Variants in MYO7A observed in about 807,000 individuals in gnomAD.
MYO7A encodes the protein unconventional myosin-VIIa.
MYO7A carries 210 observed loss-of-function variants against 263.8 expected under a neutral mutation model. The observed-to-expected ratio is 0.80, with a 90% CI of 0.71 to 0.89. The LOEUF (loss-of-function observed/expected upper bound fraction) is 0.89. MYO7A is among the 40% of genes least tolerant of loss of function. MYO7A has a pLI of 0.00. For missense variants in MYO7A, 2,820 were observed against 2,968.3 expected (o/e 0.95, Z 1.16); for synonymous variants, 1,239 against 1,197.3 (o/e 1.03, Z -0.72).
intron 5 of MYO7A, among the ~76,000 whole-genome samples, chr11:77,156,418 C>T (rs1952461305): frequency 6.6e-6 from 1 of 152,222 alleles, no homozygotes; most frequent in Non-Finnish European, 1.5e-5. Context: ...ATTGACTGAG[C>T]ATCTAATATG....
intron 14 of MYO7A, among the ~76,000 whole-genome samples, chr11:77,164,146 C>T (rs535206081): frequency 3.9e-4 from 59 of 152,274 alleles, no homozygotes; most frequent in African/African-American, 1.4e-3. Context: ...ATTGGGTTCA[C>T]GTTAAAGCTG....
At chr11:77,154,700 T>C (rs1952281556) in intron 4 of MYO7A, among the ~76,000 whole-genome samples, 1 of 148,198 alleles carries the variant, frequency 6.7e-6, no homozygotes. Flanking sequence ...GCTCAAGTGC[T>C]TCTCTCCATG....
intron 4 of MYO7A, among the ~76,000 whole-genome samples, chr11:77,149,624 C>T (rs1951829376): frequency 6.6e-6 from 1 of 152,156 alleles, no homozygotes; most frequent in Non-Finnish European, 1.5e-5. Flanking sequence ...GGAATTACGG[C>T]CCTTCAGCTG....
At chr11:77,158,683 G>T (rs1555066299) in intron 9 of MYO7A, among the ~76,000 whole-genome samples, 1 of 152,218 alleles carries the variant, frequency 6.6e-6, no homozygotes. Flanking sequence ...GTTGTCTATG[G>T]ACACTTTAAG....
rs751966030 is a variant in MYO7A at position 77,212,940 on chromosome 11, CTT to C, written c.6355-6_6355-5del. On this transcript the variant is annotated splice_polypyrimidine_tract_variant and intron_variant, in intron 46 of 48. Coordinates refer to ENST00000409709, the MANE Select transcript of MYO7A (RefSeq NM_000260.4). ...GGGCCCCCATCTGATGCCTTCTCAT[CTT>C]TTTTTCTAGCAAACTACGGAGCCAA... 2 of 1,579,742 alleles carry C rather than the reference CTT, an allele frequency of 1.3e-6. No individual in the cohort carries two copies. The highest frequency in any genetic ancestry group is 2.7e-5 in the African/African-American group (2 of 74,292).
At chr11:77,136,289 A>G (rs577005396) in intron 2 of MYO7A, among the ~76,000 whole-genome samples, 25 of 152,180 alleles carry the variant, frequency 1.6e-4, no homozygotes, top group Non-Finnish European at 2.9e-4. Context: ...GTTGTATAGA[A>G]TGAGTCACCT....
In MYO7A at chr11:77,181,592, A is replaced by G. The variant is rs1955188084; in HGVS notation, c.2904+3A>G. ...GCCAGGCACCTAGTGGCTTTGAGGT[A>G]CCAGGCTAGGGACAGGGGCTCCAGA... On this transcript the variant is annotated splice_donor_region_variant and intron_variant, in intron 23 of 48. Coordinates refer to ENST00000409709, the MANE Select transcript of MYO7A (RefSeq NM_000260.4). 6.2e-7 allele frequency: 1 copy of G among 1,612,570 alleles called. No homozygotes were observed. Among genetic ancestry groups the G allele is most frequent in the Non-Finnish European group, 8.5e-7 (1 of 1,179,652 alleles).
Position 77,130,643 on chromosome 11 carries a change from T to G in MYO7A, c.9T>G (p.Ile3Met). 1 of 1,613,398 alleles carries G rather than the reference T, an allele frequency of 6.2e-7. No individual in the cohort carries two copies. The highest frequency in any genetic ancestry group is 8.5e-7 in the Non-Finnish European group (1 of 1,179,722). Reference sequence around the variant, plus strand: ...GCTCCTGACTTGGGACCATGGTGATTCTTCAGCAGGTCAGTGTTCCCACCT... The same window carrying G: ...GCTCCTGACTTGGGACCATGGTGATGCTTCAGCAGGTCAGTGTTCCCACCT... MVILQQGDHVWMD... is the reference protein window; with the variant it reads MVMLQQGDHVWMD... The change falls in exon 2 of 49, where the codon ATT (isoleucine) becomes ATG (methionine). Residue 3 changes from isoleucine to methionine, a missense_variant. Ile to Met is a conservative substitution (Grantham distance 10). Coordinates refer to ENST00000409709, the MANE Select transcript of MYO7A (RefSeq NM_000260.4).
intron 15 of MYO7A, among the ~76,000 whole-genome samples, chr11:77,168,656 A>G (rs1555074157): frequency 6.6e-6 from 1 of 152,148 alleles, no homozygotes; most frequent in Non-Finnish European, 1.5e-5. Flanking sequence ...TTAGCTGAAC[A>G]TGGGGGTGAG....
rs546861951 is a variant in MYO7A, at chr11:77,212,817, T to C, written c.6355-135T>C. On this transcript the variant is annotated intron_variant, in intron 46 of 48. Coordinates refer to ENST00000409709, the MANE Select transcript of MYO7A (RefSeq NM_000260.4). ...CAGCGGAGGTGGAAGCCATAGGTCATGGCAGGGCCGTCAGTACCACATAGG... is the reference window on the plus strand; with the variant it reads ...CAGCGGAGGTGGAAGCCATAGGTCACGGCAGGGCCGTCAGTACCACATAGG... 9.5e-6 allele frequency: 7 copies of C among 739,950 alleles called. No homozygotes were observed. The South Asian group carries it at 1.1e-4, about 12-fold the overall frequency. The allele number at this position is 739,950 out of a possible 1,614,324, so 45.8% of individuals were successfully genotyped here.
At position 77,213,006 on chromosome 11, in the gene MYO7A, G is replaced by A. The variant is rs1223784415; in HGVS notation, c.6409G>A (p.Gly2137Arg). The A allele has an allele frequency of 1.3e-6, 2 of 1,590,436 alleles. No homozygotes were observed. The highest frequency in any genetic ancestry group is 8.6e-7 in the Non-Finnish European group (1 of 1,167,774). Reference sequence around the variant, plus strand: ...CCTCCTAATTGCCATCAACAAGTATGGGGTCAGCCTCATCGATCCCAAAAC... The same window carrying A: ...CCTCCTAATTGCCATCAACAAGTATAGGGTCAGCCTCATCGATCCCAAAAC... ...EILLIAINKY[G>R]VSLIDPKTKD... The change falls in exon 47 of 49, where the codon GGG (glycine) becomes AGG (arginine). Residue 2137 changes from glycine (G) to arginine (R), a missense_variant. Coordinates refer to ENST00000409709, the MANE Select transcript of MYO7A (RefSeq NM_000260.4).
At chr11:77,200,638 C>T (rs2135690469) in intron 35 of MYO7A, among the ~76,000 whole-genome samples, 1 of 152,356 alleles carries the variant, frequency 6.6e-6, no homozygotes, top group South Asian at 2.1e-4. Flanking sequence ...GGCCTTGGCA[C>T]TCAAGGCTGC....
chr11:77,155,794 A>G (rs1044650972), intron 4 of MYO7A, 113 bp from the exon 5 acceptor site: 1 of 1,233,774 alleles, frequency 8.1e-7, no homozygotes, highest in African/African-American at 1.5e-5. Flanking sequence ...ACATGACTCC[A>G]AAGCCAGGAC....
At chr11:77,171,295 CT>C (rs1245366675) in intron 15 of MYO7A, among the ~76,000 whole-genome samples, 2 of 152,104 alleles carry the variant, frequency 1.3e-5, no homozygotes, top group Non-Finnish European at 2.9e-5. Flanking sequence ...GTCAGGGGCC[CT>C]AATGCAGGCT....
chr11:77,134,751 A>G (rs945164055), intron 2 of MYO7A, among the ~76,000 whole-genome samples: 2 of 151,110 alleles, frequency 1.3e-5, no homozygotes, highest in African/African-American at 2.4e-5. Flanking sequence ...TGTATTTTTT[A>G]AAATACATAT....
At chr11:77,193,497 G>A (rs1197059497) in intron 31 of MYO7A, among the ~76,000 whole-genome samples, 1 of 151,162 alleles carries the variant, frequency 6.6e-6, no homozygotes, top group Non-Finnish European at 1.5e-5. Flanking sequence ...TGATGGTGGA[G>A]GCAGTAATGA....
rs1470505554 is a variant in MYO7A, at chr11:77,192,949, A to G, written c.4152+671A>G. On this transcript the variant is annotated intron_variant, in intron 31 of 48. Coordinates refer to ENST00000409709, the MANE Select transcript of MYO7A (RefSeq NM_000260.4). Reference sequence around the variant, plus strand: ...TGGTGTTGTTTGTGATGGTGGAGGTAGTGATGGTGTTGGTGATGGTGGAGG... The same window carrying G: ...TGGTGTTGTTTGTGATGGTGGAGGTGGTGATGGTGTTGGTGATGGTGGAGG... Among the ~76,000 whole-genome samples, 42 of 23,916 alleles carry G rather than the reference A, an allele frequency of 1.8e-3. 3 individuals carry two copies. The highest frequency in any genetic ancestry group is 1.5e-3 in the African/African-American group (6 of 4,008). 15.7% of individuals were successfully genotyped at this position (23,916 alleles called of 152,430 possible).
At position 77,182,438 on chromosome 11, in the gene MYO7A, C is replaced by A; in HGVS notation, c.3123C>A (p.Val1041=). 6.2e-7 allele frequency: 1 copy of A among 1,606,558 alleles called. No homozygotes were observed. Among genetic ancestry groups the A allele is most frequent in the Non-Finnish European group, 8.5e-7 (1 of 1,179,478 alleles). ...CTCTGCCCCAGGCAGCCCTGGCGGT[C>A]TGGATCACCATCCTCCGCTTCATGG... is the stretch of plus-strand genomic sequence containing the variant. The part of the protein sequence containing the change: ...DEGDQLAALA[V]WITILRFMGD... Residue 1041 remains valine (V), a synonymous_variant, in exon 25 of 49, where the codon GTC becomes GTA. Coordinates refer to ENST00000409709, the MANE Select transcript of MYO7A (RefSeq NM_000260.4).
chr11:77,191,041 G>A (rs1956030463), intron 30 of MYO7A, 171 bp downstream of exon 30: 3 of 720,522 alleles, frequency 4.2e-6, no homozygotes, highest in Non-Finnish European at 6.5e-6. Flanking sequence ...CGAGAACTCG[G>A]CCAGGTGCGG....
Sources: gnomAD v4.1 joint callset for allele counts (sites outside exome capture counted in the v4.1 genomes callset) on GRCh38, gnomAD v4.1.1 for gene constraint, MANE v1.5 for transcripts, NCBI Gene and HGNC (gene_info 2026-07-23, HGNC 2026-07-21) for gene names.